Variants in SLC5A9 observed in about 807,000 individuals in gnomAD.
SLC5A9 encodes sodium/glucose cotransporter 4.
A neutral mutation model predicts 70.9 loss-of-function variants in SLC5A9; 59 were observed. The ratio of observed to expected loss-of-function variants is 0.83; its 90% CI spans 0.68 to 1.03. The LOEUF (loss-of-function observed/expected upper bound fraction) is 1.03, where lower values mean the gene tolerates loss of function less well. Ranked by LOEUF, SLC5A9 falls within the 50% of genes least tolerant of loss-of-function variation. The probability of loss-of-function intolerance (pLI) is 0.00; values close to 1 mark genes in which losing one functional copy is unlikely to be tolerated. For synonymous variants in SLC5A9, 340 were observed against 346.5 expected (o/e 0.98, Z 0.21); for missense variants, 832 against 881.1 (o/e 0.94, Z 0.71).
Position 48,247,386 on chromosome 1 carries a change from C to T in SLC5A9, c.1889C>T (p.Ser630Phe), listed in dbSNP as rs1431667820. ...CTCTGGAGCTGGTTCTGTGGGCTCT[C>T]TGGAACACCGGAGCAGGCCCTGAGC... ...KLLWSWFCGL[S>F]GTPEQALSPA... The change falls in exon 14 of 14, where the codon TCT becomes TTT. Residue 630 changes from serine (S) to phenylalanine (F), a missense_variant. Transcript: ENST00000438567. The T allele has an allele frequency of 1.2e-6, 2 of 1,614,104 alleles. No homozygotes were observed. The highest frequency in any genetic ancestry group is 4.5e-5 in the East Asian group (2 of 44,872).
At chr1:48,243,168 C>G (rs929975366) in intron 13 of SLC5A9, among the ~76,000 whole-genome samples, 25 of 152,110 alleles carry the variant, frequency 1.6e-4, no homozygotes, top group Admixed American at 1.6e-3. Context: ...CCATGTCCCC[C>G]CCACCACTTT....
chr1:48,237,639 C>T, intron 10 of SLC5A9, 40 bp from the exon 11 acceptor site: 3 of 1,602,158 alleles, frequency 1.9e-6, no homozygotes, highest in East Asian at 2.2e-5. Context: ...ACACCATGCC[C>T]ACCCGAGTGT....
intron 13 of SLC5A9, among the ~76,000 whole-genome samples, chr1:48,244,899 TATATATATATAA>T (rs1324947071): frequency 1.8e-5 from 2 of 110,566 alleles, no homozygotes; most frequent in African/African-American, 6.3e-5. Context: ...TATATATATA[TATATATATATAA>T]AACCTCTGTC....
intron 2 of SLC5A9, among the ~76,000 whole-genome samples, chr1:48,225,125 C>T (rs983749344): frequency 1.3e-5 from 2 of 152,154 alleles, no homozygotes; most frequent in African/African-American, 4.8e-5. Flanking sequence ...ACATCATGCG[C>T]ACTGCTGAGC....
intron 10 of SLC5A9, among the ~76,000 whole-genome samples, chr1:48,236,312 G>A (rs958930863): frequency 6.6e-6 from 1 of 152,068 alleles, no homozygotes; most frequent in Non-Finnish European, 1.5e-5. Flanking sequence ...CCCACATGCA[G>A]GGGACCCACG....
At chr1:48,227,083 G>A (rs1644159288) in intron 2 of SLC5A9, among the ~76,000 whole-genome samples, 1 of 152,112 alleles carries the variant, frequency 6.6e-6, no homozygotes, top group Non-Finnish European at 1.5e-5. Flanking sequence ...GTGCATACCT[G>A]TGCGTGTGAG....
intron 13 of SLC5A9, among the ~76,000 whole-genome samples, chr1:48,243,732 G>GA (rs928108968): frequency 2.7e-5 from 4 of 146,400 alleles, no homozygotes; most frequent in East Asian, 2.0e-4. Context: ...AAAAGTAAAA[G>GA]AAAAAAAAAG....
Position 48,229,446 on chromosome 1 carries a change from TC to T in SLC5A9, c.492del (p.Phe164LeufsTer33), listed in dbSNP as rs778845546. 1 of 1,614,022 alleles carries T rather than the reference TC, an allele frequency of 6.2e-7. No individual in the cohort carries two copies. Among genetic ancestry groups the T allele is most frequent in the Non-Finnish European group, 8.5e-7 (1 of 1,179,966 alleles). On this transcript the variant is annotated frameshift_variant, in exon 4 of 14. Coordinates refer to ENST00000438567, the MANE Select transcript of SLC5A9 (RefSeq NM_001011547.3). LOFTEE classifies it high-confidence loss of function. ...GTCCTGTCTCTCATCCTCTACATCT[TC>T]ACCAAGATCTCGGTAGGTGTCACTG... Reference protein sequence around the residue: ...MSVLSLILYIFTKISTDIFSG... With the variant: ...MSVLSLILYIXTKISTDIFSG...
intron 5 of SLC5A9, among the ~76,000 whole-genome samples, chr1:48,231,101 C>T (rs1423914117): frequency 6.6e-6 from 1 of 152,182 alleles, no homozygotes; most frequent in East Asian, 1.9e-4. Flanking sequence ...CCCACCTCCT[C>T]CAAATCTCCT....
intron 8 of SLC5A9, among the ~76,000 whole-genome samples, chr1:48,232,935 A>AAAG (rs200290024): frequency 1.4e-5 from 2 of 146,984 alleles, no homozygotes; most frequent in Non-Finnish European, 3.0e-5. Context: ...GAAAGAAAGA[A>AAAG]AAGAAGAAGA....
rs150024038 is a variant in SLC5A9, at chr1:48,239,419, G to A, written c.1559G>A (p.Arg520Gln). ...YPAPACGEVDRRPAVLKDFHY... is the reference protein window; with the variant it reads ...YPAPACGEVDQRPAVLKDFHY... The stretch of plus-strand genomic sequence containing the variant: ...GCGCCAGCCTGTGGGGAGGTGGACC[G>A]GAGGCCAGCAGTGCTGAAGGACTTC... The change falls in exon 12 of 14, where the codon CGG becomes CAG. Residue 520 changes from arginine (R) to glutamine (Q), a missense_variant. Coordinates refer to ENST00000438567, the MANE Select transcript of SLC5A9 (RefSeq NM_001011547.3). This position sits in a 1 kb window ranked among gnomAD's most constrained non-coding sequence, Gnocchi z 4.2. The A allele has an allele frequency of 5.8e-5, 93 of 1,614,160 alleles. No individual in the cohort carries two copies. In the African/African-American group the frequency reaches 1.0e-3, roughly 18 times the overall value.
rs146885581 is a variant in SLC5A9 at position 48,246,066 on chromosome 1, C to T, written c.1838-1269C>T. On this transcript the variant is annotated intron_variant, in intron 13 of 13. Coordinates refer to ENST00000438567, the MANE Select transcript of SLC5A9 (RefSeq NM_001011547.3). ...ATATGTACATCCCAGTTTTTAGATACGAATTTATTGAGTTATGGCACACCA... is the reference window on the plus strand; with the variant it reads ...ATATGTACATCCCAGTTTTTAGATATGAATTTATTGAGTTATGGCACACCA... 8.6e-4 allele frequency among the ~76,000 whole-genome samples: 130 copies of T among 151,988 alleles called. 1 individual carries two copies. The East Asian group carries it at 0.021, about 25-fold the overall frequency.
At chr1:48,237,603 C>A in intron 10 of SLC5A9, 76 bp from the exon 11 acceptor site, 1 of 1,425,974 alleles carries the variant, frequency 7.0e-7, no homozygotes, top group Non-Finnish European at 9.7e-7. Flanking sequence ...CTTCCTGGTT[C>A]CTGTGCATCA....
At chr1:48,230,385 G>A (rs962764746) in intron 4 of SLC5A9, among the ~76,000 whole-genome samples, 14 of 152,332 alleles carry the variant, frequency 9.2e-5, no homozygotes, top group African/African-American at 3.4e-4. Flanking sequence ...TCAGTTTGGA[G>A]GCTTTATACA....
chr1:48,226,951 G>A (rs1433435942), intron 2 of SLC5A9, among the ~76,000 whole-genome samples: 1 of 152,228 alleles, frequency 6.6e-6, no homozygotes, highest in African/African-American at 2.4e-5. Context: ...GTGAGTGTGT[G>A]TGTGAGTGCC....
chr1:48,246,220 T>C (rs1332536916), intron 13 of SLC5A9, among the ~76,000 whole-genome samples: 1 of 152,016 alleles, frequency 6.6e-6, no homozygotes, highest in African/African-American at 2.4e-5. Flanking sequence ...GCTTGGAAAA[T>C]GATAAAGCCT....
chr1:48,225,435 C>T (rs2148561272), intron 2 of SLC5A9, among the ~76,000 whole-genome samples: 1 of 152,278 alleles, frequency 6.6e-6, no homozygotes, highest in East Asian at 1.9e-4. Flanking sequence ...TCGTGAGCCA[C>T]AATTTCTCCC....
intron 1 of SLC5A9, among the ~76,000 whole-genome samples, chr1:48,223,307 G>A (rs1235922273): frequency 6.6e-6 from 1 of 152,148 alleles, no homozygotes; most frequent in African/African-American, 2.4e-5. Context: ...ATTTCTAAAT[G>A]AGAAGGGGCT....
At position 48,222,806 on chromosome 1, in the gene SLC5A9, C is replaced by T. The variant is rs1253374052; in HGVS notation, c.70C>T (p.His24Tyr). The change falls in exon 1 of 14, where the codon CAC becomes TAC. Residue 24 changes from histidine to tyrosine, a missense_variant. Physicochemically the swap from His to Tyr is moderately conservative, Grantham distance 83. Transcript: ENST00000438567. ...CGGGGTCAGGACTGAGACAGCTCCA[C>T]ACATAGCACTGGACTCCAGAGTTGG... Reference protein sequence around the residue: ...GDGVRTETAPHIALDSRVGLH... With the variant: ...GDGVRTETAPYIALDSRVGLH... 6.2e-7 allele frequency: 1 copy of T among 1,614,052 alleles called. No homozygotes were observed. The highest frequency in any genetic ancestry group is 1.3e-5 in the African/African-American group (1 of 74,936).
Sources: gnomAD v4.1 joint callset for allele counts (sites outside exome capture counted in the v4.1 genomes callset) on GRCh38, gnomAD v4.1.1 for gene constraint, Gnocchi (gnomAD v3.1) non-coding constraint, MANE v1.5 for transcripts, NCBI Gene and HGNC (gene_info 2026-07-23, HGNC 2026-07-21) for gene names.